CDH12: variants seen among roughly 807,000 people sequenced by gnomAD.
CDH12 encodes the protein cadherin-12.
In CDH12, 41 loss-of-function variants were observed where a neutral mutation model predicts 74.1. That is an observed-to-expected ratio of 0.55 (90% confidence interval 0.43 to 0.72). The LOEUF (loss-of-function observed/expected upper bound fraction) is 0.72, where lower values mean the gene tolerates loss of function less well. Among genes scored for constraint, CDH12 ranks in the 30% least tolerant of loss-of-function variants. The probability of loss-of-function intolerance (pLI) is 0.00; values close to 1 mark genes in which losing one functional copy is unlikely to be tolerated. For missense variants in CDH12, 945 were observed against 977.2 expected (o/e 0.97, Z 0.44); for synonymous variants, 399 against 355.0 (o/e 1.12, Z -1.39).
At chr5:22,527,596 T>G (rs1561469216) in intron 1 of CDH12, among the ~76,000 whole-genome samples, 1 of 152,036 alleles carries the variant, frequency 6.6e-6, no homozygotes, top group Non-Finnish European at 1.5e-5. Flanking sequence ...CAGAGAAGAG[T>G]GATCACAGAG....
intron 6 of CDH12, among the ~76,000 whole-genome samples, chr5:21,919,670 G>A (rs895256466): frequency 5.9e-5 from 9 of 152,018 alleles, no homozygotes; most frequent in South Asian, 2.1e-4. Flanking sequence ...CTTGATTCCC[G>A]GAGAAACGGA....
In CDH12 at chr5:22,594,550, T is replaced by C. The variant is rs184303393; in HGVS notation, c.-522-89186A>G. Among the ~76,000 whole-genome samples, 179 of 152,214 alleles carry C rather than the reference T, an allele frequency of 1.2e-3. 1 individual carries two copies. The highest frequency in any genetic ancestry group is 2.0e-3 in the Non-Finnish European group (139 of 68,004). ...TTGCTTGCCTTTTGATCCCCAGCCT[T>C]AGGCATAATGCTGAGAAGAATATAC... On this transcript the variant is annotated intron_variant, in intron 1 of 14. Coordinates refer to ENST00000382254, the MANE Select transcript of CDH12 (RefSeq NM_004061.5).
At chr5:22,159,696 A>G (rs1748217347) in intron 4 of CDH12, among the ~76,000 whole-genome samples, 1 of 152,220 alleles carries the variant, frequency 6.6e-6, no homozygotes, top group Admixed American at 6.5e-5. Context: ...CCTTGTAGAC[A>G]AATGGCTTAT....
At chr5:22,763,668 A>C (rs1413849626) in intron 1 of CDH12, among the ~76,000 whole-genome samples, 1 of 151,940 alleles carries the variant, frequency 6.6e-6, no homozygotes, top group African/African-American at 2.4e-5. Context: ...GAAAACCTTA[A>C]AGATGGACTC....
chr5:21,820,728 T>A (rs560778253), intron 8 of CDH12, among the ~76,000 whole-genome samples: 1 of 152,088 alleles, frequency 6.6e-6, no homozygotes, highest in South Asian at 2.1e-4. Context: ...ATGTCTGGAA[T>A]CTCAACAGCA....
chr5:22,477,751 G>A (rs1450307555), intron 2 of CDH12, among the ~76,000 whole-genome samples: 1 of 152,118 alleles, frequency 6.6e-6, no homozygotes, highest in African/African-American at 2.4e-5. Context: ...AATGAAAAGC[G>A]GCCAACAACA....
At chr5:22,848,530 T>C (rs1002258998) in intron 1 of CDH12, among the ~76,000 whole-genome samples, 7 of 152,206 alleles carry the variant, frequency 4.6e-5, no homozygotes, top group Admixed American at 3.9e-4. Context: ...TCAAAGTTTG[T>C]TACCCACACC....
chr5:21,861,487 T>C (rs1751041240), intron 6 of CDH12, among the ~76,000 whole-genome samples: 1 of 152,124 alleles, frequency 6.6e-6, no homozygotes, highest in Non-Finnish European at 1.5e-5. Flanking sequence ...TTGATTTACA[T>C]AGTATTTTCA....
intron 3 of CDH12, among the ~76,000 whole-genome samples, chr5:22,399,120 A>T (rs749541031): frequency 6.6e-6 from 1 of 151,980 alleles, no homozygotes; most frequent in Non-Finnish European, 1.5e-5. Flanking sequence ...CTATATTTCT[A>T]TCTTCTATTT....
intron 1 of CDH12, among the ~76,000 whole-genome samples, chr5:22,541,351 A>T (rs1415314522): frequency 6.6e-6 from 1 of 152,206 alleles, no homozygotes; most frequent in African/African-American, 2.4e-5. Flanking sequence ...GAAGTGCTCA[A>T]TGTTCATCAA....
intron 3 of CDH12, among the ~76,000 whole-genome samples, chr5:22,215,506 T>C: frequency 6.6e-6 from 1 of 152,144 alleles, no homozygotes; most frequent in Non-Finnish European, 1.5e-5. Context: ...ATAATTCCAT[T>C]AGCACAAATG....
chr5:21,814,676 T>C (rs927253813), intron 9 of CDH12, among the ~76,000 whole-genome samples: 1 of 150,356 alleles, frequency 6.7e-6, no homozygotes, highest in African/African-American at 2.4e-5. Flanking sequence ...AACATAAATA[T>C]ATATAAAGTA....
chr5:22,760,701 C>CAAAAAAAAAAAAAAAAAAAAAAA (rs1195139726), intron 1 of CDH12, among the ~76,000 whole-genome samples: 1 of 95,400 alleles, frequency 1.0e-5, no homozygotes, highest in Non-Finnish European at 2.1e-5. Flanking sequence ...AAAAAAAAAA[C>CAAAAAAAAAAAAAAAAAAAAAAA]AAAAAAAAAA....
intron 1 of CDH12, among the ~76,000 whole-genome samples, chr5:22,532,350 G>GATACATATATATATATATAT (rs1737621551): frequency 7.3e-5 from 2 of 27,562 alleles, no homozygotes; most frequent in South Asian, 1.5e-3. Context: ...ATATAAATAG[G>GATACATATATATATATATAT]ATATATATAT....
chr5:22,145,362 T>C (rs1747093824), intron 4 of CDH12, among the ~76,000 whole-genome samples: 1 of 152,056 alleles, frequency 6.6e-6, no homozygotes, highest in South Asian at 2.1e-4. Context: ...CCTTTGTTCT[T>C]TCCAGTACAT....
intron 3 of CDH12, among the ~76,000 whole-genome samples, chr5:22,308,650 G>C (rs1738230812): frequency 6.6e-6 from 1 of 152,058 alleles, no homozygotes; most frequent in African/African-American, 2.4e-5. Flanking sequence ...GATTCTAAGA[G>C]ATAATTCAGG....
At chr5:22,713,321 T>A (rs576641977) in intron 1 of CDH12, among the ~76,000 whole-genome samples, 29 of 151,704 alleles carry the variant, frequency 1.9e-4, no homozygotes, top group Admixed American at 3.3e-4. Flanking sequence ...TTTTGTATTT[T>A]TAGTAGAGAC....
At chr5:21,879,347 C>G (rs1310000209) in intron 6 of CDH12, among the ~76,000 whole-genome samples, 3 of 152,194 alleles carry the variant, frequency 2.0e-5, no homozygotes, top group African/African-American at 7.2e-5. Flanking sequence ...AAGAGCCATT[C>G]TATCACTAAA....
intron 1 of CDH12, among the ~76,000 whole-genome samples, chr5:22,646,020 G>A (rs1739416542): frequency 6.6e-6 from 1 of 151,660 alleles, no homozygotes; most frequent in South Asian, 2.1e-4. Context: ...GTCTGGATCT[G>A]ATCTCTCAAT....
Sources: allele counts gnomAD v4.1 joint callset (sites outside exome capture counted in the v4.1 genomes callset), GRCh38; gene constraint gnomAD v4.1.1; transcripts MANE v1.5; gene names NCBI Gene and HGNC (gene_info 2026-07-23, HGNC 2026-07-21).